Variants in RAD51B observed in about 807,000 individuals in gnomAD.
The protein encoded by RAD51B is RAD51 paralog B, also known as DNA repair protein RAD51 homolog 2.
Under a neutral mutation model 42.2 loss-of-function variants are expected in RAD51B, and 38 were observed. The ratio of observed to expected loss-of-function variants is 0.90; its 90% confidence interval spans 0.70 to 1.18. The LOEUF (loss-of-function observed/expected upper bound fraction) is 1.18. Ranked by LOEUF, RAD51B falls within the 50% of genes most tolerant of loss-of-function variation. The probability of loss-of-function intolerance (pLI) is 0.00; values close to 1 mark genes in which losing one functional copy is unlikely to be tolerated. For synonymous variants in RAD51B, 154 were observed against 145.2 expected (o/e 1.06, Z -0.43); for missense variants, 373 against 400.7 (o/e 0.93, Z 0.59).
At chr14:68,184,614 AAAAAAAAAACC>A (rs2079119184) in intron 7 of RAD51B, among the ~76,000 whole-genome samples, 1 of 59,452 alleles carries the variant, frequency 1.7e-5, no homozygotes, top group Admixed American at 1.9e-4. Context: ...TGTCTAAAAA[AAAAAAAAAACC>A]AAAAAAAAAA....
intron 7 of RAD51B, among the ~76,000 whole-genome samples, chr14:68,199,046 C>G (rs142689971): frequency 4.5e-4 from 68 of 152,344 alleles, no homozygotes; most frequent in African/African-American, 1.3e-3. Context: ...GATAGCTAAT[C>G]TGCCCAATGA....
intron 8 of RAD51B, among the ~76,000 whole-genome samples, chr14:68,376,176 G>A (rs1276373163): frequency 6.6e-6 from 1 of 152,116 alleles, no homozygotes; most frequent in Admixed American, 6.5e-5. Context: ...GAACAATACT[G>A]CAAGTATTTT....
chr14:68,607,127 G>A (rs917217402), intron 10 of RAD51B, among the ~76,000 whole-genome samples: 1 of 152,172 alleles, frequency 6.6e-6, no homozygotes, highest in Non-Finnish European at 1.5e-5. Context: ...ACTTTTCCAG[G>A]GTCATGCGGG....
In RAD51B at chr14:68,194,841, TA is replaced by T. The variant is rs1194181040; in HGVS notation, c.757-97039del. ...TAAAGATATTCTTCCTTTAGTTTTA[TA>T]AAATGTGGCTTTTGATCAGTAAGTG... On this transcript the variant is annotated intron_variant, in intron 7 of 10. Coordinates refer to ENST00000471583, the MANE Select transcript of RAD51B (RefSeq NM_133510.4). Among the ~76,000 whole-genome samples, 10 of 152,358 alleles carry T rather than the reference TA, an allele frequency of 6.6e-5. No individual in the cohort carries two copies. The East Asian group carries it at 1.5e-3, about 23-fold the overall frequency.
chr14:68,641,717 A>G (rs1256429653), intron 10 of RAD51B, among the ~76,000 whole-genome samples: 1 of 151,906 alleles, frequency 6.6e-6, no homozygotes, highest in Admixed American at 6.6e-5. Context: ...ATCTATTGAT[A>G]TGATCATGTG....
chr14:68,163,645 A>G (rs1305495456), intron 7 of RAD51B, among the ~76,000 whole-genome samples: 1 of 151,984 alleles, frequency 6.6e-6, no homozygotes, highest in East Asian at 1.9e-4. Flanking sequence ...CCCAAGTCCT[A>G]TTTACTGGCT....
At chr14:67,965,822 A>G (rs1276674289) in intron 7 of RAD51B, among the ~76,000 whole-genome samples, 1 of 152,112 alleles carries the variant, frequency 6.6e-6, no homozygotes, top group Non-Finnish European at 1.5e-5. Context: ...GAGGAAGCCA[A>G]GATTTTACAA....
intron 10 of RAD51B, among the ~76,000 whole-genome samples, chr14:68,489,231 C>G (rs1431593960): frequency 6.6e-6 from 1 of 152,022 alleles, no homozygotes; most frequent in Admixed American, 6.5e-5. Context: ...TGGAGGCTGC[C>G]AGATTTCAAC....
chr14:67,985,113 T>A (rs559372632), intron 7 of RAD51B, among the ~76,000 whole-genome samples: 1 of 152,340 alleles, frequency 6.6e-6, no homozygotes. Context: ...TATTTTGAAA[T>A]CTTTAAGTAT....
intron 7 of RAD51B, among the ~76,000 whole-genome samples, chr14:68,100,796 G>A (rs903282674): frequency 5.3e-5 from 8 of 152,192 alleles, no homozygotes; most frequent in African/African-American, 1.9e-4. Context: ...AAGCCCAAAA[G>A]TGTTAAATTG....
intron 8 of RAD51B, among the ~76,000 whole-genome samples, chr14:68,355,191 T>C (rs2082875608): frequency 6.6e-6 from 1 of 152,230 alleles, no homozygotes; most frequent in South Asian, 2.1e-4. Context: ...CCATTTCTTA[T>C]GTTGCCTATT....
At chr14:68,456,843 C>T (rs1419324774) in intron 9 of RAD51B, among the ~76,000 whole-genome samples, 1 of 117,432 alleles carries the variant, frequency 8.5e-6, no homozygotes, top group Non-Finnish European at 1.6e-5. Flanking sequence ...TGAAATCATA[C>T]AAACTTCTCC....
chr14:67,863,150 A>ATTTTTTTTTTTTTTTTTTTTTTTTTTTT (rs5809367), intron 4 of RAD51B, among the ~76,000 whole-genome samples: 1 of 74,030 alleles, frequency 1.4e-5, no homozygotes, highest in Non-Finnish European at 2.8e-5. Flanking sequence ...AAATATGGGA[A>ATTTTTTTTTTTTTTTTTTTTTTTTTTTT]TTTTTTTTTT....
chr14:68,462,906 T>C (rs951096374), intron 9 of RAD51B, among the ~76,000 whole-genome samples: 1 of 152,196 alleles, frequency 6.6e-6, no homozygotes, highest in South Asian at 2.1e-4. Flanking sequence ...CTACACTCAT[T>C]CTTGCTCAGT....
intron 10 of RAD51B, among the ~76,000 whole-genome samples, chr14:68,564,276 A>T (rs1221115880): frequency 6.6e-6 from 1 of 152,182 alleles, no homozygotes; most frequent in African/African-American, 2.4e-5. Flanking sequence ...CGTGCTTCTC[A>T]TTATTTCCCT....
chr14:67,943,302 C>T (rs1312484762), intron 7 of RAD51B, among the ~76,000 whole-genome samples: 1 of 152,016 alleles, frequency 6.6e-6, no homozygotes, highest in African/African-American at 2.4e-5. Context: ...GGAGACAAAC[C>T]ATGTTTATAA....
intron 7 of RAD51B, among the ~76,000 whole-genome samples, chr14:68,162,421 T>A (rs1595493085): frequency 6.6e-6 from 1 of 152,306 alleles, no homozygotes; most frequent in Non-Finnish European, 1.5e-5. Context: ...AAAGGAAATA[T>A]ATAAGTTTAT....
chr14:68,631,448 G>A (rs760049333), intron 10 of RAD51B, among the ~76,000 whole-genome samples: 3 of 152,124 alleles, frequency 2.0e-5, no homozygotes, highest in Admixed American at 6.5e-5. Flanking sequence ...AGGAGGGAGT[G>A]GCCTGGAGAT....
At chr14:68,586,043 G>A (rs1159170906) in intron 10 of RAD51B, among the ~76,000 whole-genome samples, 1 of 152,060 alleles carries the variant, frequency 6.6e-6, no homozygotes, top group East Asian at 1.9e-4. Flanking sequence ...TGAATCGGCT[G>A]CAATCAGTCT....
Sources: allele counts gnomAD v4.1 joint callset (sites outside exome capture counted in the v4.1 genomes callset), GRCh38; gene constraint gnomAD v4.1.1; transcripts MANE v1.5; gene names NCBI Gene and HGNC (gene_info 2026-07-23, HGNC 2026-07-21).